Variants in FAN1 observed in about 807,000 individuals in gnomAD.
FAN1 encodes FANCD2 and FANCI associated nuclease 1, also known as fanconi-associated nuclease 1.
Under a neutral mutation model 104.9 loss-of-function variants are expected in FAN1, and 91 were observed. That is an observed-to-expected ratio of 0.87 (90% CI 0.73 to 1.03). FAN1 has a LOEUF of 1.03. FAN1 is among the 50% of genes least tolerant of loss of function. The pLI, the probability that FAN1 is intolerant of heterozygous loss-of-function variation, is 0.00. For synonymous variants in FAN1, 478 were observed against 457.6 expected (o/e 1.04, Z -0.57); for missense variants, 1,263 against 1,239.9 (o/e 1.02, Z -0.28).
Position 30,904,720 on chromosome 15 carries a change from C to G in FAN1, c.57C>G (p.Ile19Met). 6.2e-7 allele frequency: 1 copy of G among 1,609,494 alleles called. No individual in the cohort carries two copies. The highest frequency in any genetic ancestry group is 1.7e-5 in the Admixed American group (1 of 59,414). ...DKKRPRRSLS[I>M]SKNKKKASNS... ...AAAGGCCTCGTAGAAGCTTATCAATCAGCAAGAATAAGAAAAAAGCATCTA... is the reference window on the plus strand; with the variant it reads ...AAAGGCCTCGTAGAAGCTTATCAATGAGCAAGAATAAGAAAAAAGCATCTA... The change falls in exon 2 of 15, where the codon ATC becomes ATG. Residue 19 changes from isoleucine (I) to methionine (M), a missense_variant. By Grantham distance (10) the Ile-to-Met change is conservative (BLOSUM62 1). This residue lies in a region of FAN1 where 682 missense variants were observed against 571.1 expected (regional missense o/e 1.19). Transcript: ENST00000362065.
At chr15:30,940,934 C>CTAAG in intron 14 of FAN1, 1 of 1,083,028 alleles carries the variant, frequency 9.2e-7, no homozygotes, top group Non-Finnish European at 1.1e-6. Context: ...ACACAGTGAT[C>CTAAG]TAAGGTTCCA....
intron 12 of FAN1, among the ~76,000 whole-genome samples, chr15:30,930,127 G>A (rs763011635): frequency 1.3e-5 from 2 of 150,600 alleles, no homozygotes; most frequent in Non-Finnish European, 2.9e-5. Context: ...TGTTAGAAAA[G>A]CCCCAGCTGT....
At chr15:30,929,937 A>G (rs1403132101) in intron 12 of FAN1, among the ~76,000 whole-genome samples, 2 of 109,292 alleles carry the variant, frequency 1.8e-5, no homozygotes, top group Non-Finnish European at 3.4e-5. Flanking sequence ...TAATATATAA[A>G]ATATATAATA....
rs763029297 is a variant in FAN1, at chr15:30,928,505, T to TG, written c.2489-48_2489-47insG. On this transcript the variant is annotated intron_variant, in intron 10 of 14. Coordinates refer to ENST00000362065, the MANE Select transcript of FAN1 (RefSeq NM_014967.5). The stretch of plus-strand genomic sequence containing the variant: ...TTTGGAAGAAACAGATAAAACAGAT[T>TG]TTGTGTGTGTGTGTGTGTGTGTGTG... 1,135 of 1,577,498 alleles carry TG rather than the reference T, an allele frequency of 7.2e-4. 10 individuals are homozygous for TG. In the African/African-American group the frequency reaches 0.015, roughly 20 times the overall value.
chr15:30,941,185 G>GA (rs2063035992), intron 14 of FAN1: 3 of 1,339,754 alleles, frequency 2.2e-6, no homozygotes, highest in Admixed American at 2.2e-5. Context: ...GAGGTGGTAG[G>GA]AAAAATGGAT....
rs139159448 is a variant in FAN1 at position 30,904,993 on chromosome 15, C to T, written c.330C>T (p.Thr110=). Residue 110 remains threonine (T), a synonymous_variant, in exon 2 of 15, where the codon ACC becomes ACT. Transcript: ENST00000362065. ...KKSPPPKTNL[T]PGQSDSAKRE... is the part of the protein sequence containing the mutation. ...CACCACCACCAAAGACAAATTTAAC[C>T]CCTGGCCAAAGTGATTCAGCAAAAA... is the stretch of plus-strand genomic sequence containing the variant. 62 of 1,613,948 alleles carry T rather than the reference C, an allele frequency of 3.8e-5. No individual in the cohort carries two copies. The African/African-American group carries it at 6.3e-4, about 16-fold the overall frequency.
At chr15:30,939,670 A>C in intron 14 of FAN1, 1 of 724,102 alleles carries the variant, frequency 1.4e-6, no homozygotes, top group Non-Finnish European at 1.7e-6. Context: ...ATAAACGTGA[A>C]GGAAGAAAAT....
chr15:30,911,752 G>A, intron 4 of FAN1: 1 of 962,518 alleles, frequency 1.0e-6, no homozygotes, highest in Non-Finnish European at 1.2e-6. Flanking sequence ...CATTTTATAA[G>A]CAAGTAAACA....
At chr15:30,925,505 T>G (rs1225554968) in intron 9 of FAN1, among the ~76,000 whole-genome samples, 3 of 152,346 alleles carry the variant, frequency 2.0e-5, no homozygotes, top group African/African-American at 7.2e-5. Context: ...GGTCACACCC[T>G]GGGTTGAGTG....
At chr15:30,926,480 T>C (rs2062465780) in intron 10 of FAN1, 1 of 263,022 alleles carries the variant, frequency 3.8e-6, no homozygotes, top group South Asian at 1.4e-4. Flanking sequence ...ATGATTTCAG[T>C]ATTCCCCGAG....
intron 14 of FAN1, among the ~76,000 whole-genome samples, 169 bp downstream of exon 14, chr15:30,937,428 CCA>C (rs1349272947): frequency 6.6e-6 from 1 of 150,646 alleles, no homozygotes; most frequent in Non-Finnish European, 1.5e-5. Context: ...CTCATTGATT[CCA>C]CACAGTGGGT....
chr15:30,908,094 A>G (rs1358086046), intron 2 of FAN1, 24 bp from the exon 3 acceptor site: 4 of 1,578,700 alleles, frequency 2.5e-6, no homozygotes, highest in Non-Finnish European at 3.4e-6. Context: ...GTGATTTTCA[A>G]CATTTTTCTT....
Position 30,910,592 on chromosome 15 carries a change from CTT to C in FAN1, c.1376-13_1376-12del. On this transcript the variant is annotated intron_variant, in intron 3 of 14. Transcript: ENST00000362065. ...TAGAAAATAGTAAAATTTAAAAAAA[CTT>C]TTTTTTTTAACCATTTCAGAATCTG... 2 of 1,361,106 alleles carry C rather than the reference CTT, an allele frequency of 1.5e-6. No individual in the cohort carries two copies. Among genetic ancestry groups the C allele is most frequent in the Non-Finnish European group, 2.0e-6 (2 of 1,006,716 alleles). 84.3% of individuals were successfully genotyped at this position (1,361,106 alleles called of 1,614,324 possible). A position where few individuals can be genotyped will look rare whatever the true frequency, so the allele number is the denominator to read the frequency against.
At chr15:30,926,419 G>T (rs772466458) in intron 10 of FAN1, 2 of 179,194 alleles carry the variant, frequency 1.1e-5, no homozygotes, top group African/African-American at 4.8e-5. Context: ...CGGGCTGCAG[G>T]GTTACCAGTG....
rs755803665 is a variant in FAN1, at chr15:30,913,808, T to C, written c.1578-50T>C. ...TGAAAATAATTTGTAAAATCTGACATCCAAATGCTTAAAAAGCTAAAAGTT... is the reference window on the plus strand; with the variant it reads ...TGAAAATAATTTGTAAAATCTGACACCCAAATGCTTAAAAAGCTAAAAGTT... On this transcript the variant is annotated intron_variant, in intron 4 of 14. Coordinates refer to ENST00000362065, the MANE Select transcript of FAN1 (RefSeq NM_014967.5). The C allele has an allele frequency of 3.3e-6, 4 of 1,230,254 alleles. No individual in the cohort carries two copies. In the Admixed American group the frequency reaches 8.7e-5, roughly 27 times the overall value. 76.2% of individuals were successfully genotyped at this position (1,230,254 alleles called of 1,614,324 possible). A position where few individuals can be genotyped will look rare whatever the true frequency, so the allele number is the denominator to read the frequency against.
chr15:30,928,898 AC>A, intron 11 of FAN1: 2 of 640,572 alleles, frequency 3.1e-6, no homozygotes, highest in African/African-American at 2.0e-5. Flanking sequence ...CGTATAAAGT[AC>A]CATCAGCATC....
chr15:30,925,080 C>T (rs780943049), intron 8 of FAN1, 47 bp from the exon 9 acceptor site: 2 of 1,558,504 alleles, frequency 1.3e-6, no homozygotes, highest in Admixed American at 3.9e-5. Context: ...ATGGAAGCCG[C>T]CATGGGTTTT....
chr15:30,916,974 A>AT (rs1243096345), intron 5 of FAN1, among the ~76,000 whole-genome samples: 1 of 152,156 alleles, frequency 6.6e-6, no homozygotes, highest in Non-Finnish European at 1.5e-5. Flanking sequence ...CGGCCGCGAG[A>AT]TAGCATGTGC....
At position 30,930,650 on chromosome 15, in the gene FAN1, C is replaced by A; in HGVS notation, c.2895C>A (p.Asn965Lys). The stretch of plus-strand genomic sequence containing the variant: ...GCCTCCCCGACCTGGTGGTGTGGAA[C>A]TCCCAGAGCCGTCACTTTAAGGTCA... Reference protein sequence around the residue: ...RGGLPDLVVWNSQSRHFKLVE... With the variant: ...RGGLPDLVVWKSQSRHFKLVE... The change falls in exon 13 of 15, where the codon AAC (asparagine) becomes AAA (lysine). Residue 965 changes from asparagine (N) to lysine (K), a missense_variant. Asn to Lys is a moderately conservative substitution (Grantham distance 94). Around this residue, in one of 2 missense-constraint regions of FAN1, gnomAD observed 581 missense variants for 668.8 expected, o/e 0.87. Coordinates refer to ENST00000362065, the MANE Select transcript of FAN1 (RefSeq NM_014967.5). The A allele has an allele frequency of 1.2e-6, 2 of 1,612,586 alleles. No individual in the cohort carries two copies. The highest frequency in any genetic ancestry group is 1.7e-6 in the Non-Finnish European group (2 of 1,179,492).
Sources: allele counts gnomAD v4.1 joint callset (sites outside exome capture counted in the v4.1 genomes callset), GRCh38; gene constraint gnomAD v4.1.1; regional missense constraint gnomAD v4.1.1; transcripts MANE v1.5; gene names NCBI Gene and HGNC (gene_info 2026-07-23, HGNC 2026-07-21).